Variants in KIAA0319 observed in about 807,000 individuals in gnomAD.
KIAA0319 encodes KIAA0319.
Under a neutral mutation model 108.4 loss-of-function variants are expected in KIAA0319, and 83 were observed. That is an observed-to-expected ratio of 0.77 (90% CI 0.64 to 0.92). The LOEUF is 0.92. Among genes scored for constraint, KIAA0319 ranks in the 40% least tolerant of loss-of-function variants. The pLI is 0.00. For synonymous variants in KIAA0319, 484 were observed against 510.4 expected, an observed-to-expected ratio of 0.95 and a Z score of 0.70; for missense variants, 1,195 against 1,322.4, an observed-to-expected ratio of 0.90 and a Z score of 1.49.
At chr6:24,556,756 G>A in intron 17 of KIAA0319, 27 bp from the exon 18 acceptor site, 1 of 1,593,808 alleles carries the variant, frequency 6.3e-7, no homozygotes, top group Non-Finnish European at 8.5e-7. Context: ...AGGGCTGAGG[G>A]CAGCATGCAG....
intron 1 of KIAA0319, among the ~76,000 whole-genome samples, chr6:24,643,433 A>T (rs1227747462): frequency 2.0e-5 from 3 of 152,188 alleles, no homozygotes; most frequent in Non-Finnish European, 2.9e-5. Flanking sequence ...TATAAAAAAA[A>T]TTTTAAAAAC....
chr6:24,557,779 G>C (rs966420072), intron 17 of KIAA0319, among the ~76,000 whole-genome samples: 1 of 142,560 alleles, frequency 7.0e-6, no homozygotes, highest in African/African-American at 2.8e-5. Flanking sequence ...TTTTTTAAGA[G>C]ACAAGGTCTT....
chr6:24,571,388 A>G (rs1764706199), intron 11 of KIAA0319, among the ~76,000 whole-genome samples: 1 of 151,818 alleles, frequency 6.6e-6, no homozygotes, highest in Admixed American at 6.6e-5. Context: ...CAAAAAAAAA[A>G]AAAAAAAGAA....
chr6:24,579,268 G>T (rs1765990040), intron 8 of KIAA0319, among the ~76,000 whole-genome samples: 1 of 151,792 alleles, frequency 6.6e-6, no homozygotes, highest in South Asian at 2.1e-4. Context: ...TCCCATAGAA[G>T]AAACGATCTC....
intron 11 of KIAA0319, among the ~76,000 whole-genome samples, chr6:24,571,544 G>A (rs1390799884): frequency 2.0e-5 from 3 of 152,026 alleles, no homozygotes; most frequent in Non-Finnish European, 4.4e-5. Context: ...AGCCCTTTAG[G>A]ATGGTGCCCC....
intron 13 of KIAA0319, 21 bp from the exon 14 acceptor site, chr6:24,566,769 T>A: frequency 1.9e-6 from 3 of 1,592,844 alleles, no homozygotes; most frequent in Non-Finnish European, 2.6e-6. Context: ...TATAGCAAAA[T>A]GAAAGCAAAG....
chr6:24,559,744 C>T (rs190079699), intron 16 of KIAA0319, among the ~76,000 whole-genome samples: 40 of 152,168 alleles, frequency 2.6e-4, no homozygotes, highest in Non-Finnish European at 4.9e-4. Flanking sequence ...ATAAAATTCA[C>T]GCTTCTAAAG....
intron 19 of KIAA0319, among the ~76,000 whole-genome samples, chr6:24,553,088 G>GC (rs1761737121): frequency 6.6e-6 from 1 of 151,638 alleles, no homozygotes; most frequent in African/African-American, 2.4e-5. Flanking sequence ...AACACCTAAA[G>GC]CAAAAGTTCT....
intron 18 of KIAA0319, among the ~76,000 whole-genome samples, chr6:24,555,172 A>T (rs1762103152): frequency 6.6e-6 from 1 of 152,232 alleles, no homozygotes; most frequent in Admixed American, 6.5e-5. Context: ...GAGACAGAGA[A>T]GCCCAGTTTA....
rs749975377 is a variant in KIAA0319, at chr6:24,554,610, G to A, written c.2879C>T (p.Thr960Ile). 2.5e-6 allele frequency: 4 copies of A among 1,613,414 alleles called. No individual in the cohort carries two copies. In the East Asian group the frequency reaches 6.7e-5, roughly 27 times the overall value. ...CACAATAAGAGTAAAAGCCAACACT[G>A]TCACATAGAATATACTCCACTCTGA... The part of the protein sequence containing the change: ...SNCEWSIFYV[T>I]VLAFTLIVLT... Residue 960 changes from threonine to isoleucine, a missense_variant, in exon 19 of 21, where the codon ACA becomes ATA. Physicochemically the swap from Thr to Ile is moderately conservative, Grantham distance 89. Coordinates refer to ENST00000378214, the MANE Select transcript of KIAA0319 (RefSeq NM_014809.4).
Position 24,572,612 on chromosome 6 carries a change from T to C in KIAA0319, c.1821A>G (p.Gln607=), listed in dbSNP as rs748893016. The C allele has an allele frequency of 3.7e-6, 6 of 1,613,998 alleles. No homozygotes were observed. In the South Asian group the frequency reaches 4.4e-5, roughly 12 times the overall value. ...FQLKVTDSSR[Q]QSTAVVTVIV... ...TCACAGTCACCACAGCAGTAGACTG[T>C]TGCCTTGAAGAATCTGTCACCTTCA... The change falls in exon 11 of 21, where the codon CAA becomes CAG. Residue 607 remains glutamine, a synonymous_variant. Transcript: ENST00000378214.
intron 20 of KIAA0319, among the ~76,000 whole-genome samples, chr6:24,551,153 T>G (rs914548141): frequency 6.6e-6 from 1 of 151,506 alleles, no homozygotes; most frequent in Non-Finnish European, 1.5e-5. Context: ...TAATTTTTTT[T>G]TTTTTTGTAT....
intron 18 of KIAA0319, among the ~76,000 whole-genome samples, chr6:24,555,056 A>G (rs540897834): frequency 2.2e-4 from 33 of 152,334 alleles, no homozygotes; most frequent in African/African-American, 7.5e-4. Flanking sequence ...TGTTTATGGC[A>G]TGAAGACATT....
downstream of KIAA0319, among the ~76,000 whole-genome samples, chr6:24,543,867 A>C (rs1760312836): frequency 6.6e-6 from 1 of 152,224 alleles, no homozygotes; most frequent in South Asian, 2.1e-4. Context: ...TGTTAATTGC[A>C]GAGAACCACC....
chr6:24,631,879 T>C (rs6903738), intron 1 of KIAA0319, among the ~76,000 whole-genome samples: 106,909 of 151,784 alleles, frequency 0.7, 38,212 homozygotes, highest in East Asian at 0.87. Context: ...CAGGGCTCCG[T>C]CCTCTCCAGG....
At chr6:24,589,420 T>C (rs1360737809) in intron 3 of KIAA0319, among the ~76,000 whole-genome samples, 1 of 152,220 alleles carries the variant, frequency 6.6e-6, no homozygotes, top group Non-Finnish European at 1.5e-5. Flanking sequence ...ATGGCTGATA[T>C]GGCTAGGCTT....
At chr6:24,621,432 A>G (rs1773916261) in intron 1 of KIAA0319, among the ~76,000 whole-genome samples, 1 of 152,230 alleles carries the variant, frequency 6.6e-6, no homozygotes, top group Non-Finnish European at 1.5e-5. Context: ...AAGAACCACC[A>G]TTATTCCAGG....
At chr6:24,583,158 A>AT (rs1467743909) in intron 5 of KIAA0319, 12 of 986,680 alleles carry the variant, frequency 1.2e-5, no homozygotes, top group Non-Finnish European at 1.4e-5. Context: ...TTTTGAATAA[A>AT]TTTTTTTGAG....
rs6927006 is a variant in KIAA0319, at chr6:24,627,434, G to A, written c.-106+18302C>T. ...TGGGAGGGAAGGTGATTAGGTCTTA[G>A]TGAGCATTTTCCCTCCCTCCCTTCC... On this transcript the variant is annotated intron_variant, in intron 1 of 20. Coordinates refer to ENST00000378214, the MANE Select transcript of KIAA0319 (RefSeq NM_014809.4). Among the ~76,000 whole-genome samples, 566 of 150,866 alleles carry A rather than the reference G, an allele frequency of 3.8e-3. 9 individuals carry two copies. The highest frequency in any genetic ancestry group is 0.013 in the African/African-American group (536 of 40,896).
Sources: allele counts gnomAD v4.1 joint callset (sites outside exome capture counted in the v4.1 genomes callset), GRCh38; gene constraint gnomAD v4.1.1; transcripts MANE v1.5; gene names NCBI Gene and HGNC (gene_info 2026-07-23, HGNC 2026-07-21).